Variants in GABRB2 observed in about 807,000 individuals in gnomAD.
GABRB2 encodes gamma-aminobutyric acid type A receptor subunit beta2.
Under a neutral mutation model 54.7 loss-of-function variants are expected in GABRB2, and 16 were observed. The ratio of observed to expected loss-of-function variants is 0.29; its 90% confidence interval spans 0.20 to 0.44. GABRB2 has a LOEUF of 0.44. Ranked by LOEUF, GABRB2 falls within the 20% of genes least tolerant of loss-of-function variation. The probability of loss-of-function intolerance (pLI) is 1.00; values close to 1 mark genes in which losing one functional copy is unlikely to be tolerated. For synonymous variants in GABRB2, 244 were observed against 233.8 expected, an observed-to-expected ratio of 1.04 and a Z score of -0.40; for missense variants, 355 against 644.0, an observed-to-expected ratio of 0.55 and a Z score of 4.86.
chr5:161,297,888 C>A (rs1486428098), intron 9 of GABRB2, among the ~76,000 whole-genome samples: 2 of 152,152 alleles, frequency 1.3e-5, no homozygotes, highest in African/African-American at 4.8e-5. Flanking sequence ...AACTAATTTA[C>A]ACTCCCACTA....
Position 161,292,001 on chromosome 5 carries a change from GAGA to G in GABRB2, c.*2077_*2079del, listed in dbSNP as rs1267016507. The G allele has an allele frequency of 2.6e-5, 4 of 152,148 alleles. No individual in the cohort carries two copies. Among genetic ancestry groups the G allele is most frequent in the African/African-American group, 9.7e-5 (4 of 41,444 alleles). The allele number at this position is 152,148 out of a possible 1,614,324, so 9.4% of individuals were successfully genotyped here. ...TGAGGAATCTCTACTCTGAGCCTGT[GAGA>G]AGAATCTTGGTCAGATTCTGCCCAA... On this transcript the variant is annotated 3_prime_UTR_variant, in exon 10 of 10. Coordinates refer to ENST00000393959, the MANE Select transcript of GABRB2 (RefSeq NM_001371727.1).
chr5:161,331,277 TA>T (rs1327426121), intron 7 of GABRB2, 150 bp from the exon 8 acceptor site: 3 of 857,376 alleles, frequency 3.5e-6, no homozygotes, highest in East Asian at 5.0e-5. Flanking sequence ...AGCCCTAGGA[TA>T]GGGAATGGAT....
At chr5:161,443,739 C>T (rs1580991058) in intron 4 of GABRB2, among the ~76,000 whole-genome samples, 1 of 152,290 alleles carries the variant, frequency 6.6e-6, no homozygotes, top group South Asian at 2.1e-4. Context: ...GTGGTGGACA[C>T]AGCATTTTTC....
At chr5:161,371,001 G>C (rs578053359) in intron 5 of GABRB2, among the ~76,000 whole-genome samples, 54 of 152,296 alleles carry the variant, frequency 3.5e-4, no homozygotes, top group African/African-American at 1.3e-3. Context: ...TATTATTTAA[G>C]AGTTCTAAGG....
chr5:161,504,562 G>A (rs2113386844), intron 3 of GABRB2, among the ~76,000 whole-genome samples: 1 of 151,770 alleles, frequency 6.6e-6, no homozygotes, highest in African/African-American at 2.4e-5. Flanking sequence ...CTGTTCAGAA[G>A]GAAATTTATA....
intron 5 of GABRB2, among the ~76,000 whole-genome samples, chr5:161,375,017 C>T (rs1428075455): frequency 6.6e-6 from 1 of 152,108 alleles, no homozygotes; most frequent in East Asian, 1.9e-4. Flanking sequence ...TATTGCTAAC[C>T]ATGTATAGTT....
At chr5:161,385,608 A>G (rs1289792483) in intron 5 of GABRB2, among the ~76,000 whole-genome samples, 1 of 152,166 alleles carries the variant, frequency 6.6e-6, no homozygotes, top group Non-Finnish European at 1.5e-5. Flanking sequence ...TGAAAACAAA[A>G]TTATTTTATG....
intron 3 of GABRB2, among the ~76,000 whole-genome samples, chr5:161,537,534 G>T (rs1035110763): frequency 9.2e-5 from 14 of 152,118 alleles, no homozygotes; most frequent in African/African-American, 3.1e-4. Context: ...GATTCACCAA[G>T]TCCTGTCACT....
chr5:161,536,261 G>A (rs1760631544), intron 3 of GABRB2, among the ~76,000 whole-genome samples: 2 of 152,106 alleles, frequency 1.3e-5, no homozygotes, highest in African/African-American at 4.8e-5. Flanking sequence ...GAGGGGATGA[G>A]AGGAGAAACG....
intron 3 of GABRB2, among the ~76,000 whole-genome samples, chr5:161,492,565 T>TGTGC (rs1491500678): frequency 3.3e-4 from 6 of 18,252 alleles, no homozygotes; most frequent in Non-Finnish European, 1.3e-3. Context: ...TGTTGTAATT[T>TGTGC]GTGTGTGTGT....
At chr5:161,355,725 AC>A (rs1754603585) in intron 5 of GABRB2, among the ~76,000 whole-genome samples, 1 of 152,038 alleles carries the variant, frequency 6.6e-6, no homozygotes, top group Non-Finnish European at 1.5e-5. Context: ...AAAGGATCTG[AC>A]TCAAACCATG....
intron 3 of GABRB2, among the ~76,000 whole-genome samples, chr5:161,531,762 G>A (rs572754500): frequency 4.6e-5 from 7 of 151,554 alleles, no homozygotes; most frequent in Non-Finnish European, 8.8e-5. Context: ...TGGTGTCAGG[G>A]TGAATATGAG....
At chr5:161,411,101 G>T in intron 4 of GABRB2, 44 bp from the exon 5 acceptor site, 1 of 1,431,426 alleles carries the variant, frequency 7.0e-7, no homozygotes, top group Non-Finnish European at 9.8e-7. Flanking sequence ...GCAGGTCTAA[G>T]GCTGGAGCTG....
intron 4 of GABRB2, among the ~76,000 whole-genome samples, chr5:161,439,828 G>T (rs191056661): frequency 4.6e-5 from 7 of 151,908 alleles, no homozygotes; most frequent in African/African-American, 1.5e-4. Context: ...ATTGGTGGGG[G>T]TAGGGGGAGG....
intron 3 of GABRB2, among the ~76,000 whole-genome samples, chr5:161,486,680 C>A: frequency 6.6e-6 from 1 of 151,616 alleles, no homozygotes; most frequent in East Asian, 2.0e-4. Context: ...TTTCTTTGTG[C>A]CACTCTGAAA....
chr5:161,526,955 C>A (rs1760301030), intron 3 of GABRB2, among the ~76,000 whole-genome samples: 1 of 151,308 alleles, frequency 6.6e-6, no homozygotes, highest in African/African-American at 2.4e-5. Context: ...CTGTATTCCT[C>A]AATAAATTTT....
At chr5:161,355,709 A>T (rs1485894170) in intron 5 of GABRB2, among the ~76,000 whole-genome samples, 2 of 151,126 alleles carry the variant, frequency 1.3e-5, no homozygotes, top group African/African-American at 2.4e-5. Flanking sequence ...AGTAACTGAT[A>T]AAAAAAAAGG....
chr5:161,460,268 A>ATGTGTGTG lies in GABRB2; in HGVS notation c.238-432_238-425dup, dbSNP rs57673547. Among the ~76,000 whole-genome samples the ATGTGTGTG allele has an allele frequency of 9.6e-3, 1,423 of 148,656 alleles. 25 individuals are homozygous for ATGTGTGTG. The highest frequency in any genetic ancestry group is 0.032 in the African/African-American group (1,304 of 40,500). ...GCCAAGAAAACAAATTTATATATATATGTGTGTGTGTGTGTGTGTGTGTGT... is the reference window on the plus strand; with the variant it reads ...GCCAAGAAAACAAATTTATATATATATGTGTGTGTGTGTGTGTGTGTGTGTGTGTGTGT... On this transcript the variant is annotated intron_variant, in intron 3 of 9. Transcript: ENST00000393959.
chr5:161,400,712 T>A (rs1329898990), intron 5 of GABRB2, among the ~76,000 whole-genome samples: 1 of 152,184 alleles, frequency 6.6e-6, no homozygotes, highest in Non-Finnish European at 1.5e-5. Flanking sequence ...GGAATCAGTA[T>A]CCTTGTAACT....
Sources: allele counts gnomAD v4.1 joint callset (sites outside exome capture counted in the v4.1 genomes callset), GRCh38; gene constraint gnomAD v4.1.1; transcripts MANE v1.5; gene names NCBI Gene and HGNC (gene_info 2026-07-23, HGNC 2026-07-21).